DNAH14: variants seen among roughly 807,000 people sequenced by gnomAD.
DNAH14 encodes axonemal beta dynein heavy chain 14.
DNAH14 carries 478 observed loss-of-function variants against 520.9 expected under a neutral mutation model. The observed-to-expected ratio is 0.92, with a 90% confidence interval of 0.85 to 0.99. The LOEUF (loss-of-function observed/expected upper bound fraction) is 0.99. Among genes scored for constraint, DNAH14 ranks in the 50% least tolerant of loss-of-function variants. The pLI, the probability that DNAH14 is intolerant of heterozygous loss-of-function variation, is 0.00. For synonymous variants in DNAH14, 1,581 were observed against 1,757.2 expected, an observed-to-expected ratio of 0.90 and a Z score of 2.51; for missense variants, 4,831 against 5,234.5, an observed-to-expected ratio of 0.92 and a Z score of 2.38.
intron 44 of DNAH14, 76 bp downstream of exon 44, chr1:225,252,493 T>C (rs2092591561): frequency 1.3e-6 from 1 of 786,936 alleles, no homozygotes; most frequent in East Asian, 2.8e-5. Context: ...TAATTATATC[T>C]ACTCTATTTA....
In DNAH14 at chr1:225,382,713, CA is replaced by C. The variant is rs772208561; in HGVS notation, c.13077+1147del. Among the ~76,000 whole-genome samples the C allele has an allele frequency of 2.5e-3, 339 of 136,246 alleles. 1 individual carries two copies. The highest frequency in any genetic ancestry group is 0.01 in the South Asian group (45 of 4,324). 89.4% of individuals were successfully genotyped at this position (136,246 alleles called of 152,430 possible). On this transcript the variant is annotated intron_variant, in intron 81 of 85. Coordinates refer to ENST00000682510, the MANE Select transcript of DNAH14 (RefSeq NM_001367479.1). ...TGGGCAACAGAGGGACACTCTGTCT[CA>C]AAAAAAAAAAAAGTCCACCCAAAAA... is the stretch of plus-strand genomic sequence containing the variant.
intron 63 of DNAH14, 85 bp downstream of exon 63, chr1:225,324,438 A>C: frequency 2.7e-6 from 4 of 1,487,368 alleles, no homozygotes; most frequent in Non-Finnish European, 3.6e-6. Context: ...CCAATACTCA[A>C]ATGAACTTGA....
At chr1:225,170,637 C>G (rs879067183) in intron 36 of DNAH14, among the ~76,000 whole-genome samples, 1 of 152,118 alleles carries the variant, frequency 6.6e-6, no homozygotes, top group Non-Finnish European at 1.5e-5. Context: ...TAGAGACCTA[C>G]AAAGAGACTT....
intron 12 of DNAH14, among the ~76,000 whole-genome samples, chr1:225,040,314 CATAT>C (rs2067360940): frequency 6.6e-6 from 1 of 152,112 alleles, no homozygotes; most frequent in South Asian, 2.1e-4. Context: ...TGAAAACAAA[CATAT>C]ACAACATACA....
rs1285977981 is a variant in DNAH14 at position 225,335,236 on chromosome 1, T to C, written c.10080+1730T>C. ...GTGTGTATATATGCACATATACACA[T>C]GTGTACATTGTGTGTATATGCACAT... On this transcript the variant is annotated intron_variant, in intron 66 of 85. Coordinates refer to ENST00000682510, the MANE Select transcript of DNAH14 (RefSeq NM_001367479.1). Among the ~76,000 whole-genome samples, 15 of 113,110 alleles carry C rather than the reference T, an allele frequency of 1.3e-4. 1 individual carries two copies. The South Asian group carries it at 1.3e-3, about 10-fold the overall frequency. 74.2% of individuals were successfully genotyped at this position (113,110 alleles called of 152,430 possible).
rs1336417874 is a variant in DNAH14 at position 225,392,395 on chromosome 1, GAGA to G, written c.13438_13440del (p.Lys4480del). Reference sequence around the variant, plus strand: ...GATTTCCAACACCACTGACAAGGATGAGAAGTTCTCCGTATTTATGCCAAAGAA... The same window carrying G: ...GATTTCCAACACCACTGACAAGGATGAGTTCTCCGTATTTATGCCAAAGAA... On this transcript the variant is annotated inframe_deletion, in exon 84 of 86. Transcript: ENST00000682510. 8 of 1,552,058 alleles carry G rather than the reference GAGA, an allele frequency of 5.2e-6. No homozygotes were observed. The Admixed American group carries it at 9.8e-5, about 19-fold the overall frequency.
At position 225,258,029 on chromosome 1, in the gene DNAH14, G is replaced by A. The variant is rs2092803485; in HGVS notation, c.6935G>A (p.Cys2312Tyr). ...TTGAAGATAACAGAATGTGGAGAAT[G>A]CATTAATTATACCGCTACCAGAGAC... ...NFLKITECGECINYTATRDTT... is the reference protein window; with the variant it reads ...NFLKITECGEYINYTATRDTT... The change falls in exon 45 of 86, where the codon TGC (cysteine) becomes TAC (tyrosine). Residue 2312 changes from cysteine (C) to tyrosine (Y), a missense_variant. Cys to Tyr is a radical substitution (Grantham distance 194). Transcript: ENST00000682510. 1 of 1,549,894 alleles carries A rather than the reference G, an allele frequency of 6.5e-7. No individual in the cohort carries two copies. Among genetic ancestry groups the A allele is most frequent in the Admixed American group, 2.0e-5 (1 of 50,798 alleles).
At chr1:225,250,086 A>G (rs79443633) in intron 43 of DNAH14, among the ~76,000 whole-genome samples, 507 of 152,334 alleles carry the variant, frequency 3.3e-3, no homozygotes, top group East Asian at 6.2e-3. Context: ...TCTTGGGTAG[A>G]TGCCTAAGGC....
At chr1:225,355,017 G>C (rs1465142613) in intron 73 of DNAH14, among the ~76,000 whole-genome samples, 1 of 152,076 alleles carries the variant, frequency 6.6e-6, no homozygotes, top group African/African-American at 2.4e-5. Context: ...CTAATCAAAT[G>C]GATTTGAACC....
chr1:225,095,451 G>A (rs903635549), intron 21 of DNAH14, among the ~76,000 whole-genome samples: 2 of 152,118 alleles, frequency 1.3e-5, no homozygotes, highest in Non-Finnish European at 1.5e-5. Context: ...TAAACATTGA[G>A]TACACATGGA....
At chr1:225,321,412 C>T (rs1361997812) in intron 61 of DNAH14, among the ~76,000 whole-genome samples, 1 of 152,162 alleles carries the variant, frequency 6.6e-6, no homozygotes, top group Non-Finnish European at 1.5e-5. Context: ...CACATGTACT[C>T]CTGAAACTAA....
Position 224,929,791 on chromosome 1 carries a change from G to A in DNAH14, c.-78G>A. 2.9e-6 allele frequency: 2 copies of A among 700,518 alleles called. No homozygotes were observed. Among genetic ancestry groups the A allele is most frequent in the Non-Finnish European group, 5.2e-6 (2 of 383,522 alleles). 43.4% of individuals were successfully genotyped at this position (700,518 alleles called of 1,614,324 possible). A position where few individuals can be genotyped will look rare whatever the true frequency, so the allele number is the denominator to read the frequency against. ...GGCGTGGGCGGGCCGGACCTTCGCC[G>A]CTTCCAGGAAGGGCCACAACGGCCG... On this transcript the variant is annotated 5_prime_UTR_variant, in exon 1 of 86. Coordinates refer to ENST00000682510, the MANE Select transcript of DNAH14 (RefSeq NM_001367479.1).
rs546093518 is a variant in DNAH14, at chr1:225,184,140, C to A, written c.5536-1151C>A. The stretch of plus-strand genomic sequence containing the variant: ...GCAATATCACAATGAAAAAAGAAAA[C>A]TACAGACTAACATCTTTGATGGACA... On this transcript the variant is annotated intron_variant, in intron 36 of 85. Coordinates refer to ENST00000682510, the MANE Select transcript of DNAH14 (RefSeq NM_001367479.1). Among the ~76,000 whole-genome samples the A allele has an allele frequency of 2.0e-3, 297 of 152,114 alleles. 1 individual carries two copies. Among genetic ancestry groups the A allele is most frequent in the Middle Eastern group, 6.8e-3 (2 of 294 alleles).
chr1:225,114,616 C>G (rs2076727181), intron 23 of DNAH14, among the ~76,000 whole-genome samples: 1 of 152,150 alleles, frequency 6.6e-6, no homozygotes, highest in Non-Finnish European at 1.5e-5. Flanking sequence ...GTTTAGAACC[C>G]TAGACCACTT....
chr1:225,314,248 C>T (rs982403767), intron 60 of DNAH14, among the ~76,000 whole-genome samples: 6 of 152,140 alleles, frequency 3.9e-5, no homozygotes, highest in Admixed American at 2.6e-4. Flanking sequence ...TTATCAGAGA[C>T]GAGGATTGCA....
intron 1 of DNAH14, among the ~76,000 whole-genome samples, chr1:224,941,310 A>G (rs2059402795): frequency 6.6e-6 from 1 of 152,110 alleles, no homozygotes; most frequent in African/African-American, 2.4e-5. Flanking sequence ...GGCTGCATAA[A>G]TGTCTTCTTT....
At chr1:225,393,945 A>T (rs2095963294) in intron 84 of DNAH14, among the ~76,000 whole-genome samples, 1 of 151,454 alleles carries the variant, frequency 6.6e-6, no homozygotes, top group Admixed American at 6.6e-5. Context: ...CAGCCTCCCA[A>T]GCAGCTGGGA....
chr1:225,118,324 T>TATAG, intron 25 of DNAH14: 1 of 336,064 alleles, frequency 3.0e-6, no homozygotes, highest in Non-Finnish European at 5.6e-6. Flanking sequence ...AGTATATGAA[T>TATAG]ATAGATAAGA....
At chr1:225,059,450 A>T (rs979845065) in intron 17 of DNAH14, among the ~76,000 whole-genome samples, 3 of 152,172 alleles carry the variant, frequency 2.0e-5, no homozygotes, top group Non-Finnish European at 2.9e-5. Context: ...TCCTGAATAC[A>T]GCACACTGAT....
Sources: gnomAD v4.1 joint callset for allele counts (sites outside exome capture counted in the v4.1 genomes callset) on GRCh38, gnomAD v4.1.1 for gene constraint, MANE v1.5 for transcripts, NCBI Gene and HGNC (gene_info 2026-07-23, HGNC 2026-07-21) for gene names.